ANKMY1: variants seen among roughly 807,000 people sequenced by gnomAD.
ANKMY1 encodes ankyrin repeat and MYND domain-containing protein 1.
A neutral mutation model predicts 102.0 loss-of-function variants in ANKMY1; 98 were observed. The ratio of observed to expected loss-of-function variants is 0.96; its 90% CI spans 0.82 to 1.14. The LOEUF (loss-of-function observed/expected upper bound fraction) is 1.14. Ranked by LOEUF, ANKMY1 falls within the 50% of genes most tolerant of loss-of-function variation. The pLI, the probability that ANKMY1 is intolerant of heterozygous loss-of-function variation, is 0.00. For synonymous variants in ANKMY1, 582 were observed against 559.9 expected (o/e 1.04, Z -0.56); for missense variants, 1,330 against 1,347.6 (o/e 0.99, Z 0.20).
At position 240,554,982 on chromosome 2, in the gene ANKMY1, AC is replaced by A. The variant is rs754312092; in HGVS notation, c.219del (p.Glu73AspfsTer25). On this transcript the variant is annotated frameshift_variant, in exon 3 of 18. Transcript: ENST00000401804. LOFTEE classifies it high-confidence loss of function. ...EGPLRAQDLRESYIQLVQGVQ... is the reference protein window; with the variant it reads ...EGPLRAQDLRXSYIQLVQGVQ... ...ACACCCTGGACGAGCTGGATGTAGG[AC>A]TCCCTCAGGTCCTGCGCCCTCAGCG... 3.6e-5 allele frequency: 58 copies of A among 1,613,890 alleles called. No individual in the cohort carries two copies. The Admixed American group carries it at 3.8e-4, about 11-fold the overall frequency.
chr2:240,480,423 A>G (rs1018380201), intron 17 of ANKMY1, among the ~76,000 whole-genome samples: 2 of 152,218 alleles, frequency 1.3e-5, no homozygotes, highest in Non-Finnish European at 2.9e-5. Context: ...CAAGGAGGTG[A>G]GGAGGGGCTT....
chr2:240,525,894 CAG>C, intron 6 of ANKMY1, 45 bp from the exon 7 acceptor site: 3 of 1,600,236 alleles, frequency 1.9e-6, no homozygotes, highest in Non-Finnish European at 1.7e-6. Context: ...ACCTGGCCCT[CAG>C]GGGTGGGAAG....
the ANKMY1 span, among the ~76,000 whole-genome samples, chr2:240,471,288 A>G: frequency 7.0e-6 from 1 of 142,840 alleles, no homozygotes. Context: ...GAGACAGAGT[A>G]TCTGTCTGTC....
At chr2:240,479,353 G>T, downstream of ANKMY1, 1 of 557,284 alleles carries the variant, frequency 1.8e-6, no homozygotes, top group East Asian at 3.0e-5. Flanking sequence ...TCAAAGCCAG[G>T]GGCAGAGGCA....
intron 4 of ANKMY1, among the ~76,000 whole-genome samples, chr2:240,542,876 ATTAT>A (rs2089331250): frequency 6.6e-6 from 1 of 150,428 alleles, no homozygotes; most frequent in South Asian, 2.1e-4. Flanking sequence ...AATTAAGTAA[ATTAT>A]TTAATTACTT....
chr2:240,529,492 G>A lies in ANKMY1; in HGVS notation c.498C>T (p.Asp166=), dbSNP rs780979993. Residue 166 remains aspartate, a synonymous_variant, in exon 5 of 18, where the codon GAC becomes GAT. Transcript: ENST00000401804. This position sits in a 1 kb window ranked among gnomAD's most constrained non-coding sequence, Gnocchi z 4.2. ...TCTCGACACCTGGCCCAAACCGCTG[G>A]TCCGCTTTGTATAGCCCCTGCCAAG... is the stretch of plus-strand genomic sequence containing the variant. ...TRLFQGLYKA[D]QRFGPGVETY... is the part of the protein sequence containing the mutation. The A allele has an allele frequency of 6.2e-7, 1 of 1,613,150 alleles. No homozygotes were observed. Among genetic ancestry groups the A allele is most frequent in the South Asian group, 1.1e-5 (1 of 91,006 alleles).
intron 15 of ANKMY1, among the ~76,000 whole-genome samples, chr2:240,492,015 CTGAT>C (rs1356079989): frequency 6.6e-6 from 1 of 150,910 alleles, no homozygotes; most frequent in Non-Finnish European, 1.5e-5. Flanking sequence ...AAAAAAAAAA[CTGAT>C]TTATTTTTAG....
intron 15 of ANKMY1, among the ~76,000 whole-genome samples, chr2:240,486,767 G>T (rs530092303): frequency 6.6e-6 from 1 of 152,284 alleles, no homozygotes; most frequent in African/African-American, 2.4e-5. Flanking sequence ...TTCTGCCTCA[G>T]TCTCCCAAAG....
chr2:240,511,833 G>GC, intron 11 of ANKMY1, 28 bp downstream of exon 11: 1 of 1,557,742 alleles, frequency 6.4e-7, no homozygotes. Flanking sequence ...GCAGCCCTGT[G>GC]CCCCCGCCAG....
intron 9 of ANKMY1, among the ~76,000 whole-genome samples, chr2:240,516,499 ATC>A (rs1464106893): frequency 1.3e-5 from 2 of 152,230 alleles, no homozygotes; most frequent in Non-Finnish European, 2.9e-5. Context: ...TGAAATTCTG[ATC>A]TGTCTTAATA....
intron 4 of ANKMY1, among the ~76,000 whole-genome samples, chr2:240,535,861 G>A (rs1263650525): frequency 8.0e-6 from 1 of 125,698 alleles, no homozygotes; most frequent in Non-Finnish European, 1.6e-5. Flanking sequence ...CCCCTAAATA[G>A]TAAAGACTAA....
chr2:240,551,371 T>C (rs1240834673), intron 4 of ANKMY1, among the ~76,000 whole-genome samples: 1 of 152,228 alleles, frequency 6.6e-6, no homozygotes, highest in East Asian at 1.9e-4. Context: ...ACGTGTTTGT[T>C]TGCATATGTT....
At chr2:240,557,378 T>G in intron 1 of ANKMY1, 26 bp from the exon 2 acceptor site, 1 of 1,438,048 alleles carries the variant, frequency 7.0e-7, no homozygotes. Context: ...GGACCGCACA[T>G]GTGCCCCCAG....
intron 4 of ANKMY1, among the ~76,000 whole-genome samples, chr2:240,541,356 T>C (rs970144332): frequency 1.7e-4 from 26 of 152,150 alleles, no homozygotes; most frequent in African/African-American, 6.0e-4. Context: ...GTTTTGGTGA[T>C]TGTTTGTGTG....
At chr2:240,541,290 A>G (rs972558301) in intron 4 of ANKMY1, among the ~76,000 whole-genome samples, 2 of 152,088 alleles carry the variant, frequency 1.3e-5, no homozygotes, top group African/African-American at 2.4e-5. Context: ...AAGCACTCCA[A>G]CTGTTTCAGT....
At chr2:240,507,803 A>G (rs1028510070) in intron 12 of ANKMY1, 112 bp from the exon 13 acceptor site, 1 of 1,309,384 alleles carries the variant, frequency 7.6e-7, no homozygotes, top group South Asian at 1.8e-5. Context: ...CAGGGGCTTC[A>G]CGGAGGCCAC....
chr2:240,473,735 C>A, the ANKMY1 span, among the ~76,000 whole-genome samples: 2 of 152,114 alleles, frequency 1.3e-5, no homozygotes, highest in Non-Finnish European at 2.9e-5. Context: ...AAATGTGATA[C>A]ACCATATTAA....
At chr2:240,539,480 C>T (rs1400783147) in intron 4 of ANKMY1, among the ~76,000 whole-genome samples, 1 of 152,182 alleles carries the variant, frequency 6.6e-6, no homozygotes, top group African/African-American at 2.4e-5. Flanking sequence ...TCCCGACACA[C>T]CATCTTTAAG....
chr2:240,508,834 C>CTAGG (rs1426078587), intron 12 of ANKMY1, among the ~76,000 whole-genome samples: 24 of 151,928 alleles, frequency 1.6e-4, no homozygotes, highest in African/African-American at 5.8e-4. Context: ...ATGATGATGT[C>CTAGG]TAGGTAGGTG....
Sources: allele counts gnomAD v4.1 joint callset (sites outside exome capture counted in the v4.1 genomes callset), GRCh38; gene constraint gnomAD v4.1.1; non-coding constraint Gnocchi (gnomAD v3.1); transcripts MANE v1.5; gene names NCBI Gene and HGNC (gene_info 2026-07-23, HGNC 2026-07-21).